The following ELMO1 variants were observed in gnomAD, a reference collection of about 807,000 sequenced individuals.
The protein encoded by ELMO1 is engulfment and cell motility protein 1.
In ELMO1, 26 loss-of-function variants were observed where a neutral mutation model predicts 98.9. The observed-to-expected ratio is 0.26, with a 90% CI of 0.19 to 0.36. The LOEUF (loss-of-function observed/expected upper bound fraction) is 0.36. Among genes scored for constraint, ELMO1 ranks in the 10% least tolerant of loss-of-function variants. ELMO1 has a pLI of 1.00. For missense variants in ELMO1, 627 were observed against 935.2 expected (o/e 0.67, Z 4.30); for synonymous variants, 346 against 346.0 (o/e 1.00, Z 0.00).
intron 1 of ELMO1, among the ~76,000 whole-genome samples, chr7:37,382,807 C>T (rs768345369): frequency 3.3e-5 from 5 of 151,876 alleles, no homozygotes; most frequent in Admixed American, 1.3e-4. Context: ...CACAGAGATA[C>T]TCATCACTGA....
intron 15 of ELMO1, among the ~76,000 whole-genome samples, chr7:37,080,303 T>G (rs1013272343): frequency 1.3e-5 from 2 of 152,222 alleles, no homozygotes. Context: ...CACACAATTC[T>G]TTGAAATTAT....
intron 1 of ELMO1, among the ~76,000 whole-genome samples, chr7:37,350,647 T>C (rs543727473): frequency 2.6e-5 from 4 of 152,344 alleles, no homozygotes; most frequent in Admixed American, 1.3e-4. Flanking sequence ...CTCTTTAGTA[T>C]GAGAACTGTT....
chr7:37,074,494 G>T (rs1207359828), intron 15 of ELMO1, among the ~76,000 whole-genome samples: 3 of 152,244 alleles, frequency 2.0e-5, no homozygotes, highest in African/African-American at 7.2e-5. Flanking sequence ...CATAGCTGAT[G>T]TCCAGTAGGT....
At position 36,855,206 on chromosome 7, in the gene ELMO1, C is replaced by G; in HGVS notation, c.*345G>C. 3.1e-6 allele frequency: 1 copy of G among 325,510 alleles called. No individual in the cohort carries two copies. The highest frequency in any genetic ancestry group is 3.1e-5 in the South Asian group (1 of 32,016). The allele number at this position is 325,510 out of a possible 1,614,324, so 20.2% of individuals were successfully genotyped here. ...CAAGTTTTTGGGCAGTCTGGGGCTG[C>G]TGGCTTTCCTGCCCAAGGGAAGGAA... On this transcript the variant is annotated 3_prime_UTR_variant, in exon 22 of 22. Coordinates refer to ENST00000310758, the MANE Select transcript of ELMO1 (RefSeq NM_014800.11). This position sits in a 1 kb window ranked among gnomAD's most constrained non-coding sequence, Gnocchi z 4.2.
intron 15 of ELMO1, among the ~76,000 whole-genome samples, chr7:37,087,666 G>A (rs1051994351): frequency 6.6e-6 from 1 of 152,066 alleles, no homozygotes; most frequent in African/African-American, 2.4e-5. Context: ...AGTGTCCACT[G>A]CTAGCAAATG....
intron 15 of ELMO1, among the ~76,000 whole-genome samples, chr7:37,079,535 T>C (rs1027200828): frequency 6.6e-6 from 1 of 152,100 alleles, no homozygotes; most frequent in Non-Finnish European, 1.5e-5. Flanking sequence ...CTACTAATAG[T>C]CCCATTGCCT....
At chr7:37,259,451 C>A (rs2717969) in intron 5 of ELMO1, 101 bp from the exon 6 acceptor site, 6 of 1,348,612 alleles carry the variant, frequency 4.4e-6, no homozygotes, top group Non-Finnish European at 6.2e-6. Flanking sequence ...AAGCCAAAAG[C>A]GCAAGACTAT....
At chr7:37,194,810 G>T (rs529109895) in intron 13 of ELMO1, among the ~76,000 whole-genome samples, 1 of 152,206 alleles carries the variant, frequency 6.6e-6, no homozygotes, top group East Asian at 1.9e-4. Context: ...ATCCATTTTT[G>T]GAATTTCAGA....
At chr7:37,316,961 T>A (rs1223314868) in intron 2 of ELMO1, among the ~76,000 whole-genome samples, 1 of 152,168 alleles carries the variant, frequency 6.6e-6, no homozygotes, top group Non-Finnish European at 1.5e-5. Flanking sequence ...GCAGCGTAAG[T>A]AACCGCAATT....
intron 14 of ELMO1, among the ~76,000 whole-genome samples, chr7:37,101,096 C>A (rs1193782754): frequency 6.6e-6 from 1 of 152,332 alleles, no homozygotes; most frequent in Non-Finnish European, 1.5e-5. Flanking sequence ...AGCAGCTAAA[C>A]CAAAATCATG....
chr7:36,872,305 T>C (rs1803588467), intron 19 of ELMO1, among the ~76,000 whole-genome samples: 1 of 152,160 alleles, frequency 6.6e-6, no homozygotes, highest in Non-Finnish European at 1.5e-5. Context: ...GGGCAATTCC[T>C]AGGGTTGGAA....
chr7:37,203,981 CGT>C (rs1256198928), intron 13 of ELMO1: 1 of 428,698 alleles, frequency 2.3e-6, no homozygotes, highest in African/African-American at 2.0e-5. Flanking sequence ...AAGCCTGACA[CGT>C]GTGTCTTTAG....
intron 16 of ELMO1, among the ~76,000 whole-genome samples, chr7:37,008,628 G>A (rs998399618): frequency 1.3e-5 from 2 of 152,102 alleles, no homozygotes; most frequent in African/African-American, 4.8e-5. Context: ...CATTTTTACA[G>A]TAATTACTTC....
intron 4 of ELMO1, among the ~76,000 whole-genome samples, chr7:37,295,227 T>C (rs2717986): frequency 0.35 from 53,161 of 152,066 alleles, 10,420 homozygotes; most frequent in Middle Eastern, 0.53. Context: ...GAAGGAGAGA[T>C]AGAAAATTTG....
chr7:36,882,071 A>G (rs917126467), intron 18 of ELMO1, among the ~76,000 whole-genome samples: 1 of 152,150 alleles, frequency 6.6e-6, no homozygotes, highest in Non-Finnish European at 1.5e-5. Context: ...AGTGAGACAC[A>G]GGGCACAGCA....
intron 18 of ELMO1, among the ~76,000 whole-genome samples, chr7:36,886,101 G>A (rs1191393949): frequency 2.0e-5 from 3 of 152,274 alleles, no homozygotes; most frequent in South Asian, 2.1e-4. Flanking sequence ...CATGATGCCC[G>A]ATGCAAGGAA....
At position 36,981,404 on chromosome 7, in the gene ELMO1, T is replaced by G. The variant is rs1418970024; in HGVS notation, c.1437+31895A>C. On this transcript the variant is annotated intron_variant, in intron 16 of 21. Coordinates refer to ENST00000310758, the MANE Select transcript of ELMO1 (RefSeq NM_014800.11). ...GGGAGTGAAGATATAGGATAATATCTGGTATTGAAGGCACGGATTTGAAGA... is the reference window on the plus strand; with the variant it reads ...GGGAGTGAAGATATAGGATAATATCGGGTATTGAAGGCACGGATTTGAAGA... Among the ~76,000 whole-genome samples the G allele has an allele frequency of 5.2e-4, 79 of 152,042 alleles. 3 individuals carry two copies. The highest frequency in any genetic ancestry group is 5.2e-3 in the Admixed American group (79 of 15,270).
intron 13 of ELMO1, among the ~76,000 whole-genome samples, chr7:37,170,156 C>A (rs989166586): frequency 6.6e-6 from 1 of 152,188 alleles, no homozygotes; most frequent in Non-Finnish European, 1.5e-5. Context: ...CCACTCACCT[C>A]GGCCTCCCAA....
At chr7:37,221,333 A>C (rs1032472221) in intron 10 of ELMO1, among the ~76,000 whole-genome samples, 2 of 152,224 alleles carry the variant, frequency 1.3e-5, no homozygotes, top group Non-Finnish European at 2.9e-5. Context: ...AATAAAATCC[A>C]AAAATTCTTG....
Sources: gnomAD v4.1 joint callset for allele counts (sites outside exome capture counted in the v4.1 genomes callset) on GRCh38, gnomAD v4.1.1 for gene constraint, Gnocchi (gnomAD v3.1) non-coding constraint, MANE v1.5 for transcripts, NCBI Gene and HGNC (gene_info 2026-07-23, HGNC 2026-07-21) for gene names.